INPP4A: variants seen among roughly 807,000 people sequenced by gnomAD.
INPP4A encodes the protein inositol polyphosphate-4-phosphatase type I A.
In INPP4A, 33 loss-of-function variants were observed where a neutral mutation model predicts 119.8. The ratio of observed to expected loss-of-function variants is 0.28; its 90% CI spans 0.21 to 0.37. The LOEUF (loss-of-function observed/expected upper bound fraction) is 0.37, where lower values mean the gene tolerates loss of function less well. Among genes scored for constraint, INPP4A ranks in the 10% least tolerant of loss-of-function variants. The pLI, the probability that INPP4A is intolerant of heterozygous loss-of-function variation, is 1.00. For missense variants in INPP4A, 956 were observed against 1,289.9 expected (o/e 0.74, Z 3.97); for synonymous variants, 496 against 500.7 (o/e 0.99, Z 0.12).
intron 17 of INPP4A, among the ~76,000 whole-genome samples, chr2:98,560,404 C>G: frequency 6.6e-6 from 1 of 152,194 alleles, no homozygotes; most frequent in East Asian, 1.9e-4. Context: ...CCTGTCCACC[C>G]ATACAGCCCC....
intron 1 of INPP4A, among the ~76,000 whole-genome samples, chr2:98,447,878 T>A (rs1312382550): frequency 6.6e-6 from 1 of 151,784 alleles, no homozygotes; most frequent in Non-Finnish European, 1.5e-5. Flanking sequence ...AAACCCTATC[T>A]CTACTAAAAA....
chr2:98,485,463 C>T (rs566771333), intron 1 of INPP4A, among the ~76,000 whole-genome samples: 2 of 152,134 alleles, frequency 1.3e-5, no homozygotes, highest in East Asian at 3.9e-4. Context: ...AGAACTATGG[C>T]AATCATCTTT....
At chr2:98,504,870 T>G (rs1456996763) in intron 1 of INPP4A, among the ~76,000 whole-genome samples, 1 of 152,224 alleles carries the variant, frequency 6.6e-6, no homozygotes, top group Non-Finnish European at 1.5e-5. Flanking sequence ...GTGTGTGGTG[T>G]TAATCTTCAG....
intron 21 of INPP4A, among the ~76,000 whole-genome samples, chr2:98,568,093 A>G (rs1478046654): frequency 6.6e-6 from 1 of 152,250 alleles, no homozygotes; most frequent in Non-Finnish European, 1.5e-5. Flanking sequence ...AACCTGCACG[A>G]TGACGAAAGG....
intron 1 of INPP4A, among the ~76,000 whole-genome samples, chr2:98,479,597 C>T (rs1431876333): frequency 6.6e-6 from 1 of 152,144 alleles, no homozygotes. Flanking sequence ...AACCTGCAGC[C>T]CACAGTTTCT....
chr2:98,517,778 T>C (rs1000367632), intron 1 of INPP4A, among the ~76,000 whole-genome samples: 2 of 152,238 alleles, frequency 1.3e-5, no homozygotes, highest in South Asian at 4.1e-4. Flanking sequence ...GTCTTTTCCA[T>C]GTTCTATACT....
rs116714113 is a variant in INPP4A, at chr2:98,573,527, C to T, written c.2631+600C>T. ...GGGCACACATGGCCCCAGTGGCATT[C>T]CCGCTCCCTGCCTGGGCCTGAGGAG... On this transcript the variant is annotated intron_variant, in intron 23 of 24. Transcript: ENST00000409851. Among the ~76,000 whole-genome samples the T allele has an allele frequency of 3.9e-3, 591 of 152,296 alleles. 4 individuals carry two copies. Among genetic ancestry groups the T allele is most frequent in the African/African-American group, 0.013 (554 of 41,552 alleles).
chr2:98,556,618 G>C (rs1694535859), intron 16 of INPP4A, among the ~76,000 whole-genome samples: 1 of 152,208 alleles, frequency 6.6e-6, no homozygotes. Flanking sequence ...GTTCTCCTGT[G>C]GGAGTTTTAA....
chr2:98,543,879 T>A lies in INPP4A; in HGVS notation c.821T>A (p.Val274Glu). Residue 274 changes from valine to glutamate, a missense_variant and splice_region_variant, in exon 11 of 25, where the codon GTG becomes GAG. Physicochemically the swap from Val to Glu is moderately radical, Grantham distance 121. Transcript: ENST00000409851. ...KLLLEEDAAR[V>E]CELEELGELS... ...ATGCATCTGTGTCTTGCTTTCAGAG[T>A]GTGTGAGCTGGAGGAGCTGGGAGAG... 1 of 1,613,502 alleles carries A rather than the reference T, an allele frequency of 6.2e-7. No homozygotes were observed. The highest frequency in any genetic ancestry group is 8.5e-7 in the Non-Finnish European group (1 of 1,179,704).
intron 1 of INPP4A, among the ~76,000 whole-genome samples, chr2:98,461,679 G>C (rs545009782): frequency 6.6e-6 from 1 of 152,170 alleles, no homozygotes; most frequent in Non-Finnish European, 1.5e-5. Context: ...TGCTTGTTGG[G>C]TTTTTTTCTG....
At position 98,536,262 on chromosome 2, in the gene INPP4A, A is replaced by G. The variant is rs144982582; in HGVS notation, c.467+54A>G. 3.4e-4 allele frequency: 389 copies of G among 1,130,058 alleles called. No homozygotes were observed. The African/African-American group carries it at 5.2e-3, about 15-fold the overall frequency. 70.0% of individuals were successfully genotyped at this position (1,130,058 alleles called of 1,614,324 possible). ...GGATCTGGAATCATGAGGTCCAGGG[A>G]CAGATGGGGAAAGGACCCACTTCTT... On this transcript the variant is annotated intron_variant, in intron 7 of 24. Coordinates refer to ENST00000409851, the MANE Select transcript of INPP4A (RefSeq NM_001134225.2).
At chr2:98,559,375 G>A (rs1695049662) in intron 16 of INPP4A, 88 bp from the exon 17 acceptor site, 1 of 1,442,688 alleles carries the variant, frequency 6.9e-7, no homozygotes, top group South Asian at 1.2e-5. Flanking sequence ...GCAAGCTGCT[G>A]ACGCAGCTGC....
chr2:98,477,996 G>A (rs927107343), intron 1 of INPP4A, among the ~76,000 whole-genome samples: 3 of 152,190 alleles, frequency 2.0e-5, no homozygotes, highest in Non-Finnish European at 4.4e-5. Context: ...TTCAGTGCGA[G>A]TGCAGTCCCT....
intron 1 of INPP4A, among the ~76,000 whole-genome samples, chr2:98,456,401 C>T (rs1042642217): frequency 2.0e-5 from 3 of 152,166 alleles, no homozygotes; most frequent in African/African-American, 7.2e-5. Flanking sequence ...GTGGTGTGAT[C>T]ATAGCTCACT....
At chr2:98,496,415 G>A (rs1330884779) in intron 1 of INPP4A, among the ~76,000 whole-genome samples, 1 of 152,184 alleles carries the variant, frequency 6.6e-6, no homozygotes, top group African/African-American at 2.4e-5. Context: ...CTGACACTAT[G>A]AAACTGCTGA....
Position 98,554,201 on chromosome 2 carries a change from C to T in INPP4A, c.1348-70C>T. 2 of 1,227,778 alleles carry T rather than the reference C, an allele frequency of 1.6e-6. No homozygotes were observed. The highest frequency in any genetic ancestry group is 2.3e-6 in the Non-Finnish European group (2 of 873,102). 76.1% of individuals were successfully genotyped at this position (1,227,778 alleles called of 1,614,324 possible). On this transcript the variant is annotated intron_variant, in intron 14 of 24. Transcript: ENST00000409851. The surrounding 1 kb of genome is among the most constrained non-coding windows in gnomAD (Gnocchi z 4.7). ...TGGGCTTTAAGCCCATTCTCCATTTCTGAGATAAGGCAGGGGCCTCCCCAG... is the reference window on the plus strand; with the variant it reads ...TGGGCTTTAAGCCCATTCTCCATTTTTGAGATAAGGCAGGGGCCTCCCCAG...
At chr2:98,504,649 A>T (rs539739234) in intron 1 of INPP4A, among the ~76,000 whole-genome samples, 2 of 152,324 alleles carry the variant, frequency 1.3e-5, no homozygotes, top group African/African-American at 4.8e-5. Context: ...CTTCACATTT[A>T]TAGCCCTTTA....
At chr2:98,587,435 T>G in intron 24 of INPP4A, 41 bp from the exon 25 acceptor site, 1 of 1,526,800 alleles carries the variant, frequency 6.5e-7, no homozygotes, top group Admixed American at 2.5e-5. Context: ...TCTTTTTTCC[T>G]TTTTTACTGC....
chr2:98,558,675 A>G (rs1255425853), intron 16 of INPP4A, among the ~76,000 whole-genome samples: 1 of 152,260 alleles, frequency 6.6e-6, no homozygotes, highest in Non-Finnish European at 1.5e-5. Flanking sequence ...TCAGACATAA[A>G]TTAACATAAA....
Sources: allele counts gnomAD v4.1 joint callset (sites outside exome capture counted in the v4.1 genomes callset), GRCh38; gene constraint gnomAD v4.1.1; non-coding constraint Gnocchi (gnomAD v3.1); transcripts MANE v1.5; gene names NCBI Gene and HGNC (gene_info 2026-07-23, HGNC 2026-07-21).